ARHGAP20: variants seen among roughly 807,000 people sequenced by gnomAD.
ARHGAP20 encodes Rho GTPase activating protein 20.
Under a neutral mutation model 73.7 loss-of-function variants are expected in ARHGAP20, and 34 were observed. The observed-to-expected ratio is 0.46, with a 90% CI of 0.35 to 0.61. The LOEUF (loss-of-function observed/expected upper bound fraction) is 0.61, where lower values mean the gene tolerates loss of function less well. ARHGAP20 is among the 20% of genes least tolerant of loss of function. The pLI, the probability that ARHGAP20 is intolerant of heterozygous loss-of-function variation, is 0.00. For synonymous variants in ARHGAP20, 523 were observed against 518.2 expected, an observed-to-expected ratio of 1.01 and a Z score of -0.13; for missense variants, 1,314 against 1,420.9, an observed-to-expected ratio of 0.92 and a Z score of 1.21.
chr11:110,596,941 C>T, intron 9 of ARHGAP20, among the ~76,000 whole-genome samples: 1 of 152,064 alleles, frequency 6.6e-6, no homozygotes, highest in East Asian at 1.9e-4. Flanking sequence ...CACATATAGA[C>T]CATGGAATAC....
At chr11:110,651,021 C>T (rs1227762646) in intron 2 of ARHGAP20, among the ~76,000 whole-genome samples, 1 of 152,090 alleles carries the variant, frequency 6.6e-6, no homozygotes, top group African/African-American at 2.4e-5. Context: ...TGCAAAAGAA[C>T]TGAAATCATA....
At chr11:110,671,016 A>C (rs967013639) in intron 2 of ARHGAP20, among the ~76,000 whole-genome samples, 5 of 152,142 alleles carry the variant, frequency 3.3e-5, no homozygotes, top group African/African-American at 1.2e-4. Flanking sequence ...ATCTGAATAT[A>C]GTATGACCTC....
At chr11:110,708,328 C>T (rs1458105766) in intron 1 of ARHGAP20, among the ~76,000 whole-genome samples, 2 of 152,090 alleles carry the variant, frequency 1.3e-5, no homozygotes, top group Non-Finnish European at 2.9e-5. Context: ...TCGGAAAAAA[C>T]AATGGACAGA....
chr11:110,594,483 C>T (rs1947903784), intron 9 of ARHGAP20, among the ~76,000 whole-genome samples: 1 of 152,178 alleles, frequency 6.6e-6, no homozygotes, highest in East Asian at 1.9e-4. Context: ...CCAATCTCCT[C>T]CCCACAAAGA....
chr11:110,692,194 G>C (rs1950256023), intron 1 of ARHGAP20, among the ~76,000 whole-genome samples: 1 of 152,106 alleles, frequency 6.6e-6, no homozygotes, highest in African/African-American at 2.4e-5. Context: ...TGTGACTGCA[G>C]AGGTTACAAG....
chr11:110,652,371 C>T (rs577183286), intron 2 of ARHGAP20, among the ~76,000 whole-genome samples: 10 of 152,004 alleles, frequency 6.6e-5, no homozygotes, highest in East Asian at 1.9e-4. Flanking sequence ...AACATAGTAT[C>T]GGAAGTTCTG....
At chr11:110,592,762 G>A (rs1432835440) in intron 9 of ARHGAP20, among the ~76,000 whole-genome samples, 1 of 152,194 alleles carries the variant, frequency 6.6e-6, no homozygotes, top group Admixed American at 6.5e-5. Context: ...TTTAGTATCT[G>A]ACATACTACT....
At chr11:110,613,140 G>GA (rs1948406882) in intron 6 of ARHGAP20, among the ~76,000 whole-genome samples, 2 of 152,240 alleles carry the variant, frequency 1.3e-5, no homozygotes, top group African/African-American at 4.8e-5. Flanking sequence ...CATAATTATA[G>GA]AAAGTATATT....
intron 1 of ARHGAP20, chr11:110,711,515 T>C (rs1950655293): frequency 2.0e-6 from 2 of 986,270 alleles, no homozygotes. Flanking sequence ...GACCCCCACC[T>C]GGGAGACCCG....
At chr11:110,623,112 T>C (rs1472759378) in intron 4 of ARHGAP20, among the ~76,000 whole-genome samples, 1 of 151,542 alleles carries the variant, frequency 6.6e-6, no homozygotes, top group African/African-American at 2.4e-5. Context: ...ACAAACACAT[T>C]TTTTTTTTCC....
chr11:110,635,316 G>A (rs949725252), intron 2 of ARHGAP20, among the ~76,000 whole-genome samples: 1 of 152,020 alleles, frequency 6.6e-6, no homozygotes, highest in African/African-American at 2.4e-5. Context: ...GCCTTCCTCA[G>A]GTTTATTGAA....
intron 1 of ARHGAP20, among the ~76,000 whole-genome samples, chr11:110,710,557 G>T (rs1036160173): frequency 6.6e-6 from 1 of 152,088 alleles, no homozygotes; most frequent in Non-Finnish European, 1.5e-5. Flanking sequence ...TAAATGTAGG[G>T]CTAGCCTGAT....
In ARHGAP20 at chr11:110,639,242, C is replaced by T. The variant is rs984591589; in HGVS notation, c.189-8450G>A. Among the ~76,000 whole-genome samples, 4 of 149,728 alleles carry T rather than the reference C, an allele frequency of 2.7e-5. No homozygotes were observed. The South Asian group carries it at 6.4e-4, about 24-fold the overall frequency. On this transcript the variant is annotated intron_variant, in intron 2 of 14. Coordinates refer to ENST00000683387, the MANE Select transcript of ARHGAP20 (RefSeq NM_001384657.1). ...CACACTCATATTTTATTCGATACCC[C>T]CCCCCCACAAGAGTTTTAAAAAACA... is the stretch of plus-strand genomic sequence containing the variant.
Position 110,590,772 on chromosome 11 carries a change from G to A in ARHGAP20, c.1181C>T (p.Thr394Ile), listed in dbSNP as rs770468320. The change falls in exon 11 of 15, where the codon ACC becomes ATC. Residue 394 changes from threonine to isoleucine, a missense_variant. Transcript: ENST00000683387. Reference sequence around the variant, plus strand: ...GGCTGATTGCCTGAAGATACCTTTGGTGAGAGGTCCTTTTTGATTAAGAAA... The same window carrying A: ...GGCTGATTGCCTGAAGATACCTTTGATGAGAGGTCCTTTTTGATTAAGAAA... ...LFFLNQKGPL[T>I]KGIFRQSANV... is the part of the protein sequence containing the mutation. The A allele has an allele frequency of 6.2e-7, 1 of 1,613,680 alleles. No individual in the cohort carries two copies. Among genetic ancestry groups the A allele is most frequent in the Non-Finnish European group, 8.5e-7 (1 of 1,179,908 alleles).
rs573435603 is a variant in ARHGAP20 at position 110,618,751 on chromosome 11, G to A, written c.504-3157C>T. ...TGTATGCAGTGATAGAGTATATGCA[G>A]TGATAGCATATATGTAGTGATAGAG... On this transcript the variant is annotated intron_variant, in intron 4 of 14. Coordinates refer to ENST00000683387, the MANE Select transcript of ARHGAP20 (RefSeq NM_001384657.1). Among the ~76,000 whole-genome samples the A allele has an allele frequency of 1.5e-3, 192 of 131,428 alleles. 2 individuals carry two copies. The highest frequency in any genetic ancestry group is 5.5e-3 in the African/African-American group (186 of 33,748). The allele number at this position is 131,428 out of a possible 152,430, so 86.2% of individuals were successfully genotyped here.
intron 2 of ARHGAP20, among the ~76,000 whole-genome samples, chr11:110,633,129 G>A (rs1948892700): frequency 6.6e-6 from 1 of 152,086 alleles, no homozygotes; most frequent in South Asian, 2.1e-4. Flanking sequence ...TTAAGTCTAT[G>A]ATCCATCCCA....
chr11:110,710,668 C>T (rs572401024), intron 1 of ARHGAP20, among the ~76,000 whole-genome samples: 5 of 152,274 alleles, frequency 3.3e-5, no homozygotes, highest in African/African-American at 1.2e-4. Context: ...CTCAATACAT[C>T]AAAGGCTGAG....
In ARHGAP20 at chr11:110,579,793, T is replaced by C; in HGVS notation, c.3153A>G (p.Lys1051=). The C allele has an allele frequency of 1.9e-6, 3 of 1,614,110 alleles. No homozygotes were observed. The highest frequency in any genetic ancestry group is 1.1e-5 in the South Asian group (1 of 91,076). The part of the protein sequence containing the change: ...GVASLKNWSL[K]KKAKAARPEE... ...CTGGTCTGGCTGCCTTTGCTTTCTT[T>C]TTGAGGGACCAGTTTTTCAAACTGG... The change falls in exon 15 of 15, where the codon AAA becomes AAG. Residue 1051 remains lysine (K), a synonymous_variant. Coordinates refer to ENST00000683387, the MANE Select transcript of ARHGAP20 (RefSeq NM_001384657.1).
Position 110,672,741 on chromosome 11 carries a change from G to A in ARHGAP20, c.188+17806C>T, listed in dbSNP as rs575866895. Among the ~76,000 whole-genome samples the A allele has an allele frequency of 2.7e-3, 409 of 152,322 alleles. 1 individual carries two copies. The highest frequency in any genetic ancestry group is 4.7e-3 in the Non-Finnish European group (317 of 68,018). ...TAAGCTATTATTACTAAGTTTTGGT[G>A]AGGATGTGAAACAACTGGAATTCTC... On this transcript the variant is annotated intron_variant, in intron 2 of 14. Transcript: ENST00000683387.
Sources: allele counts gnomAD v4.1 joint callset (sites outside exome capture counted in the v4.1 genomes callset), GRCh38; gene constraint gnomAD v4.1.1; transcripts MANE v1.5; gene names NCBI Gene and HGNC (gene_info 2026-07-23, HGNC 2026-07-21).